NLRP2: variants seen among roughly 807,000 people sequenced by gnomAD.
NLRP2 encodes NLR family pyrin domain containing 2.
Under a neutral mutation model 97.2 loss-of-function variants are expected in NLRP2, and 107 were observed. That is an observed-to-expected ratio of 1.10 (90% confidence interval 0.94 to 1.29). NLRP2 has a LOEUF of 1.29. Among genes scored for constraint, NLRP2 ranks in the 50% most tolerant of loss-of-function variants. The pLI is 0.00. For synonymous variants in NLRP2, 663 were observed against 551.5 expected (o/e 1.20, Z -2.83); for missense variants, 1,495 against 1,330.3 (o/e 1.12, Z -1.93).
rs73609944 is a variant in NLRP2 at position 54,996,852 on chromosome 19, G to T, written c.2880-465G>T. On this transcript the variant is annotated intron_variant, in intron 11 of 12. Coordinates refer to ENST00000448584, the MANE Select transcript of NLRP2 (RefSeq NM_017852.5). ...TATTCCCTGTACCCCTTGCCCTTCA[G>T]AACCCCTCATCGCCTCCATATTTTC... 9.1e-3 allele frequency among the ~76,000 whole-genome samples: 1,385 copies of T among 151,860 alleles called. 16 individuals are homozygous for T. Among genetic ancestry groups the T allele is most frequent in the African/African-American group, 0.032 (1,318 of 41,370 alleles).
chr19:54,998,628 TTCC>T (rs1568547170), intron 12 of NLRP2, among the ~76,000 whole-genome samples: 1 of 109,296 alleles, frequency 9.1e-6, no homozygotes, highest in East Asian at 2.1e-4. Flanking sequence ...TTTTTTTTTT[TTCC>T]TTTTTTTTTT....
At position 54,984,329 on chromosome 19, in the gene NLRP2, G is replaced by GTGTGTGTTTTTTTTTTTTTT; in HGVS notation, c.2030+602_2030+603insGTGTGTTTTTTTTTTTTTTT. Among the ~76,000 whole-genome samples, 100 of 79,666 alleles carry GTGTGTGTTTTTTTTTTTTTT rather than the reference G, an allele frequency of 1.3e-3. 4 individuals are homozygous for GTGTGTGTTTTTTTTTTTTTT. The highest frequency in any genetic ancestry group is 3.9e-3 in the African/African-American group (85 of 21,632). The allele number at this position is 79,666 out of a possible 152,430, so 52.3% of individuals were successfully genotyped here. ...AACTTAAGTGGGGGTTTTTTTTTGT[G>GTGTGTGTTTTTTTTTTTTTT]TTTTTTTTTTTTTTTTTTTTTTTGG... On this transcript the variant is annotated intron_variant, in intron 6 of 12. Coordinates refer to ENST00000448584, the MANE Select transcript of NLRP2 (RefSeq NM_017852.5).
intron 4 of NLRP2, among the ~76,000 whole-genome samples, chr19:54,978,620 G>A (rs965797450): frequency 6.6e-6 from 1 of 151,966 alleles, no homozygotes; most frequent in Non-Finnish European, 1.5e-5. Context: ...CACTTTGGGA[G>A]GCTGAGGCGG....
intron 4 of NLRP2, among the ~76,000 whole-genome samples, chr19:54,978,634 G>T (rs2071392126): frequency 6.6e-6 from 1 of 151,842 alleles, no homozygotes; most frequent in African/African-American, 2.4e-5. Flanking sequence ...GAGGCGGGTG[G>T]ATCAAGAGAT....
At chr19:54,998,458 GTTTA>G (rs915385840) in intron 12 of NLRP2, among the ~76,000 whole-genome samples, 37 of 151,998 alleles carry the variant, frequency 2.4e-4, no homozygotes, top group African/African-American at 8.9e-4. Flanking sequence ...TAGATTACTT[GTTTA>G]TTTAACATGA....
intron 2 of NLRP2, 69 bp downstream of exon 2, chr19:54,970,364 CAGA>C (rs2070768669): frequency 4.4e-6 from 7 of 1,586,832 alleles, no homozygotes; most frequent in Non-Finnish European, 5.2e-6. Flanking sequence ...TTTAGAAATT[CAGA>C]AGGCCAGGCG....
At chr19:54,983,922 C>T (rs920883257) in intron 6 of NLRP2, among the ~76,000 whole-genome samples, 194 bp downstream of exon 6, 3 of 152,206 alleles carry the variant, frequency 2.0e-5, no homozygotes, top group African/African-American at 7.2e-5. Context: ...GCGATCTTGG[C>T]TCCCTGCAAC....
intron 7 of NLRP2, 104 bp from the exon 8 acceptor site, chr19:54,986,047 A>G (rs1275775814): frequency 2.5e-6 from 2 of 814,912 alleles, no homozygotes; most frequent in Non-Finnish European, 4.1e-6. Flanking sequence ...TTAAACATGG[A>G]AAAAATAGTT....
intron 1 of NLRP2, among the ~76,000 whole-genome samples, chr19:54,968,621 C>A (rs1372311769): frequency 6.6e-6 from 1 of 151,564 alleles, no homozygotes; most frequent in South Asian, 2.1e-4. Flanking sequence ...TGAGCCATGG[C>A]CCCCCGGCCA....
chr19:54,974,162 T>C, intron 2 of NLRP2: 1 of 606,740 alleles, frequency 1.6e-6, no homozygotes, highest in Non-Finnish European at 3.0e-6. Context: ...GAGACCAGCC[T>C]GGCCAAAATG....
Position 54,983,098 on chromosome 19 carries a change from G to C in NLRP2, c.1400G>C (p.Arg467Pro), listed in dbSNP as rs147804224. Residue 467 changes from arginine (R) to proline (P), a missense_variant, in exon 6 of 13, where the codon CGA (arginine) becomes CCA (proline). By Grantham distance (103) the Arg-to-Pro change is moderately radical. Coordinates refer to ENST00000448584, the MANE Select transcript of NLRP2 (RefSeq NM_017852.5). ...TGGGCGCAGACGTCCGTGCTTCACC[G>C]AGAGGATCTGGAAAGGCTCGGGGTG... ...GLWAQTSVLHREDLERLGVQE... is the reference protein window; with the variant it reads ...GLWAQTSVLHPEDLERLGVQE... 22 of 1,613,296 alleles carry C rather than the reference G, an allele frequency of 1.4e-5. 1 individual carries two copies. In the South Asian group the frequency reaches 2.3e-4, roughly 17 times the overall value.
intron 3 of NLRP2, among the ~76,000 whole-genome samples, chr19:54,975,611 C>CT: frequency 6.6e-6 from 1 of 151,246 alleles, no homozygotes; most frequent in Non-Finnish European, 1.5e-5. Flanking sequence ...ACCACCACGC[C>CT]TGGCTAATTT....
In NLRP2 at chr19:54,975,134, T is replaced by G. The variant is rs916850468; in HGVS notation, c.325+590T>G. Among the ~76,000 whole-genome samples, 6 of 36,648 alleles carry G rather than the reference T, an allele frequency of 1.6e-4. 1 individual carries two copies. Among genetic ancestry groups the G allele is most frequent in the African/African-American group, 1.5e-4 (1 of 6,506 alleles). The allele number at this position is 36,648 out of a possible 152,430, so 24.0% of individuals were successfully genotyped here. A position where few individuals can be genotyped will look rare whatever the true frequency, so the allele number is the denominator to read the frequency against. On this transcript the variant is annotated intron_variant, in intron 3 of 12. Coordinates refer to ENST00000448584, the MANE Select transcript of NLRP2 (RefSeq NM_017852.5). ...TTTTTTTTTTTTTTTTTTTTTTTTT[T>G]TTTTTTTTTGAAACAGGGCTTCACT...
intron 11 of NLRP2, among the ~76,000 whole-genome samples, chr19:54,996,153 G>A (rs2072811374): frequency 6.6e-6 from 1 of 151,872 alleles, no homozygotes; most frequent in African/African-American, 2.4e-5. Context: ...GCTGCAGTGA[G>A]CCAAGATGGC....
intron 1 of NLRP2, among the ~76,000 whole-genome samples, chr19:54,969,506 G>A (rs1286592003): frequency 6.7e-6 from 1 of 149,586 alleles, no homozygotes; most frequent in Non-Finnish European, 1.5e-5. Context: ...AATACAAAAA[G>A]TAGCTGAGCG....
At chr19:54,994,460 A>C (rs2072692699) in intron 11 of NLRP2, 21 bp downstream of exon 11, 5 of 1,610,940 alleles carry the variant, frequency 3.1e-6, no homozygotes, top group Non-Finnish European at 4.2e-6. Context: ...TTATAAGTTC[A>C]ACTTCCTATA....
intron 11 of NLRP2, among the ~76,000 whole-genome samples, chr19:54,996,565 T>C (rs2072836087): frequency 6.6e-6 from 1 of 152,150 alleles, no homozygotes; most frequent in Non-Finnish European, 1.5e-5. Flanking sequence ...TGCTTCCCTA[T>C]GTCAATCCAG....
chr19:54,969,072 C>G (rs892492401), intron 1 of NLRP2, among the ~76,000 whole-genome samples: 2 of 152,094 alleles, frequency 1.3e-5, no homozygotes, highest in Admixed American at 1.3e-4. Flanking sequence ...CACGTAGCTC[C>G]CCACTTCCTT....
At chr19:54,975,277 T>C (rs8109346) in intron 3 of NLRP2, among the ~76,000 whole-genome samples, 6,486 of 131,280 alleles carry the variant, frequency 0.049, 300 homozygotes, top group East Asian at 0.16. Flanking sequence ...CTTGCCACCA[T>C]GCCTGGCTAA....
Sources: allele counts gnomAD v4.1 joint callset (sites outside exome capture counted in the v4.1 genomes callset), GRCh38; gene constraint gnomAD v4.1.1; transcripts MANE v1.5; gene names NCBI Gene and HGNC (gene_info 2026-07-23, HGNC 2026-07-21).